The following PRKCE variants were observed in gnomAD, a reference collection of about 807,000 sequenced individuals.
The protein encoded by PRKCE is protein kinase C epsilon.
Under a neutral mutation model 85.4 loss-of-function variants are expected in PRKCE, and 16 were observed. The ratio of observed to expected loss-of-function variants is 0.19; its 90% CI spans 0.13 to 0.28. PRKCE has a LOEUF of 0.28. PRKCE is among the 10% of genes least tolerant of loss of function. PRKCE has a pLI of 1.00. For synonymous variants in PRKCE, 388 were observed against 371.5 expected (o/e 1.04, Z -0.51); for missense variants, 573 against 975.2 (o/e 0.59, Z 5.49).
intron 11 of PRKCE, among the ~76,000 whole-genome samples, chr2:46,133,040 C>T (rs992341854): frequency 2.0e-5 from 3 of 152,294 alleles, no homozygotes; most frequent in Middle Eastern, 3.4e-3. Flanking sequence ...TCTCCTAGCA[C>T]GTGGCTCCTT....
At chr2:45,980,853 G>C (rs1045627098) in intron 5 of PRKCE, among the ~76,000 whole-genome samples, 2 of 152,172 alleles carry the variant, frequency 1.3e-5, no homozygotes, top group Non-Finnish European at 2.9e-5. Flanking sequence ...AACATTCACT[G>C]GGCACTTACC....
chr2:46,182,437 T>C lies in PRKCE; in HGVS notation c.2068-2298T>C, dbSNP rs570752168. Reference sequence around the variant, plus strand: ...GGAGAGGGAGAACAGATGGTCCTCCTGCCGGGGGCCAGCCCTCCTGGCAGA... The same window carrying C: ...GGAGAGGGAGAACAGATGGTCCTCCCGCCGGGGGCCAGCCCTCCTGGCAGA... On this transcript the variant is annotated intron_variant, in intron 14 of 14. Coordinates refer to ENST00000306156, the MANE Select transcript of PRKCE (RefSeq NM_005400.3). 4.1e-4 allele frequency among the ~76,000 whole-genome samples: 62 copies of C among 152,294 alleles called. 1 individual carries two copies. Among genetic ancestry groups the C allele is most frequent in the African/African-American group, 1.4e-3 (59 of 41,556 alleles).
chr2:46,039,513 T>C (rs1179787818), intron 10 of PRKCE, among the ~76,000 whole-genome samples: 31 of 151,996 alleles, frequency 2.0e-4, no homozygotes, highest in Non-Finnish European at 1.5e-5. Context: ...ATTCGTGGGG[T>C]TTTTTTGTTG....
In PRKCE at chr2:45,976,313, C is replaced by T. The variant is rs946697967; in HGVS notation, c.413-116C>T. ...GAGTCCCTCCACACACAAAGGCTAC[C>T]TCTCACCCACCCCAGCTCCACTCCC... On this transcript the variant is annotated intron_variant, in intron 2 of 14. Coordinates refer to ENST00000306156, the MANE Select transcript of PRKCE (RefSeq NM_005400.3). 7 of 1,255,546 alleles carry T rather than the reference C, an allele frequency of 5.6e-6. No homozygotes were observed. The Admixed American group carries it at 6.3e-5, about 11-fold the overall frequency. 77.8% of individuals were successfully genotyped at this position (1,255,546 alleles called of 1,614,324 possible). A position where few individuals can be genotyped will look rare whatever the true frequency, so the allele number is the denominator to read the frequency against.
At chr2:45,803,785 C>T (rs575980222) in intron 1 of PRKCE, among the ~76,000 whole-genome samples, 8 of 152,288 alleles carry the variant, frequency 5.3e-5, no homozygotes, top group African/African-American at 9.6e-5. Flanking sequence ...TAACAGAGTG[C>T]TTCCCTCCAA....
At chr2:45,928,937 C>T (rs1698835426) in intron 2 of PRKCE, among the ~76,000 whole-genome samples, 1 of 152,206 alleles carries the variant, frequency 6.6e-6, no homozygotes. Flanking sequence ...CTGAGGTCCA[C>T]CTGTCTGAGT....
intron 2 of PRKCE, among the ~76,000 whole-genome samples, chr2:45,851,040 T>C (rs6544856): frequency 0.21 from 32,282 of 152,154 alleles, 4,625 homozygotes; most frequent in African/African-American, 0.41. Flanking sequence ...CAGGGTGCTG[T>C]GGGACCACCA....
intron 1 of PRKCE, among the ~76,000 whole-genome samples, chr2:45,684,979 G>A (rs633884): frequency 0.26 from 39,579 of 152,092 alleles, 5,770 homozygotes; most frequent in Middle Eastern, 0.35. Flanking sequence ...CCTGGCTTTG[G>A]CACTGGTTAG....
At chr2:46,172,491 C>T (rs922553045) in intron 14 of PRKCE, among the ~76,000 whole-genome samples, 9 of 132,232 alleles carry the variant, frequency 6.8e-5, no homozygotes, top group Non-Finnish European at 8.6e-5. Context: ...CTGGGCGGGC[C>T]TGGGCGTGCC....
intron 2 of PRKCE, among the ~76,000 whole-genome samples, chr2:45,873,895 C>A (rs1180689694): frequency 6.6e-6 from 1 of 152,230 alleles, no homozygotes; most frequent in Non-Finnish European, 1.5e-5. Flanking sequence ...GCATTTCAGG[C>A]CAAGGAGGAG....
intron 11 of PRKCE, among the ~76,000 whole-genome samples, chr2:46,097,169 C>T (rs552632906): frequency 1.3e-5 from 2 of 152,186 alleles, no homozygotes; most frequent in South Asian, 2.1e-4. Flanking sequence ...CACTGATAAA[C>T]GTGCATGACG....
At chr2:45,960,474 A>C (rs777685980) in intron 2 of PRKCE, among the ~76,000 whole-genome samples, 1 of 152,194 alleles carries the variant, frequency 6.6e-6, no homozygotes, top group Non-Finnish European at 1.5e-5. Flanking sequence ...GGGGGGCAGA[A>C]GGGGAAGGGC....
intron 2 of PRKCE, among the ~76,000 whole-genome samples, chr2:45,910,042 C>T (rs560007481): frequency 2.9e-4 from 38 of 133,286 alleles, no homozygotes; most frequent in Admixed American, 1.4e-3. Context: ...GTAAACTCAC[C>T]GCCCCCCCCC....
At chr2:45,850,695 A>T (rs1364224389) in intron 2 of PRKCE, among the ~76,000 whole-genome samples, 1 of 152,180 alleles carries the variant, frequency 6.6e-6, no homozygotes, top group Non-Finnish European at 1.5e-5. Context: ...CACCATTTTT[A>T]ATCGAGCTGT....
At chr2:45,752,316 A>C (rs540484583) in intron 1 of PRKCE, among the ~76,000 whole-genome samples, 1 of 152,348 alleles carries the variant, frequency 6.6e-6, no homozygotes, top group African/African-American at 2.4e-5. Flanking sequence ...CAAAGCCATA[A>C]GACTTTTAAG....
chr2:46,030,417 A>C (rs1177383417), intron 10 of PRKCE, among the ~76,000 whole-genome samples: 1 of 152,138 alleles, frequency 6.6e-6, no homozygotes. Context: ...TACCCCAAGT[A>C]GTGGGGCGGT....
chr2:45,971,798 C>G lies in PRKCE; in HGVS notation c.413-4631C>G, dbSNP rs1182327045. ...TAAGTAGTTGGAACATACCTTTCCG[C>G]CTTGTGTTTTCTTTTGTGTGTATGT... On this transcript the variant is annotated intron_variant, in intron 2 of 14. Coordinates refer to ENST00000306156, the MANE Select transcript of PRKCE (RefSeq NM_005400.3). Among the ~76,000 whole-genome samples the G allele has an allele frequency of 3.3e-5, 5 of 152,298 alleles. No individual in the cohort carries two copies. The South Asian group carries it at 8.3e-4, about 25-fold the overall frequency.
chr2:45,985,954 A>C (rs925750610), intron 6 of PRKCE, among the ~76,000 whole-genome samples: 2 of 152,228 alleles, frequency 1.3e-5, no homozygotes, highest in African/African-American at 2.4e-5. Context: ...AAAGCTATAA[A>C]GTCAATGTCA....
At chr2:46,157,911 G>A (rs758088235) in intron 13 of PRKCE, among the ~76,000 whole-genome samples, 23 of 152,368 alleles carry the variant, frequency 1.5e-4, no homozygotes, top group Admixed American at 3.9e-4. Flanking sequence ...CTGCCTATGT[G>A]AAGGTGATGC....
Sources: gnomAD v4.1 joint callset for allele counts (sites outside exome capture counted in the v4.1 genomes callset) on GRCh38, gnomAD v4.1.1 for gene constraint, MANE v1.5 for transcripts, NCBI Gene and HGNC (gene_info 2026-07-23, HGNC 2026-07-21) for gene names.